Variants in GSK3B observed in about 807,000 individuals in gnomAD.
GSK3B encodes the protein glycogen synthase kinase 3 beta.
A neutral mutation model predicts 56.4 loss-of-function variants in GSK3B; 15 were observed. The ratio of observed to expected loss-of-function variants is 0.27; its 90% CI spans 0.18 to 0.41. The LOEUF (loss-of-function observed/expected upper bound fraction) is 0.41. Ranked by LOEUF, GSK3B falls within the 10% of genes least tolerant of loss-of-function variation. GSK3B has a pLI of 1.00. For missense variants in GSK3B, 300 were observed against 513.4 expected (o/e 0.58, Z 4.02); for synonymous variants, 181 against 188.9 (o/e 0.96, Z 0.34).
chr3:120,053,876 C>A (rs892769306), intron 1 of GSK3B, among the ~76,000 whole-genome samples: 1 of 152,172 alleles, frequency 6.6e-6, no homozygotes, highest in East Asian at 1.9e-4. Flanking sequence ...ACCATGATTG[C>A]GAGGCCTTCC....
At chr3:119,866,578 T>A in intron 8 of GSK3B, 1 of 1,582,944 alleles carries the variant, frequency 6.3e-7, no homozygotes, top group Non-Finnish European at 8.7e-7. Context: ...GAAAAAAAAA[T>A]TAAGTACATA....
intron 1 of GSK3B, among the ~76,000 whole-genome samples, chr3:120,068,211 T>C (rs1475464246): frequency 1.3e-5 from 2 of 150,592 alleles, no homozygotes; most frequent in African/African-American, 4.9e-5. Context: ...ATCAACATGG[T>C]GAAACTTCAT....
In GSK3B at chr3:120,093,968, C is replaced by A. The variant is rs199796429; in HGVS notation, c.-534G>T. On this transcript the variant is annotated 5_prime_UTR_variant, in exon 1 of 11. Coordinates refer to ENST00000264235, the MANE Select transcript of GSK3B (RefSeq NM_001146156.2). Reference sequence around the variant, plus strand: ...GAAACGCTGCAGCTCCGGCAAGCCGCGGGATCCGGCGGGCTGACGGCAGGG... The same window carrying A: ...GAAACGCTGCAGCTCCGGCAAGCCGAGGGATCCGGCGGGCTGACGGCAGGG... 1 of 210,216 alleles carries A rather than the reference C, an allele frequency of 4.8e-6. No individual in the cohort carries two copies. Among genetic ancestry groups the A allele is most frequent in the East Asian group, 7.1e-5 (1 of 14,164 alleles). The allele number at this position is 210,216 out of a possible 1,614,324, so 13.0% of individuals were successfully genotyped here.
At chr3:119,853,724 T>C (rs1187996642) in intron 9 of GSK3B, among the ~76,000 whole-genome samples, 3 of 152,218 alleles carry the variant, frequency 2.0e-5, no homozygotes, top group African/African-American at 7.2e-5. Flanking sequence ...TCTCTGTTTG[T>C]CTGTTATTGG....
At chr3:119,968,291 C>G (rs1257994932) in intron 2 of GSK3B, among the ~76,000 whole-genome samples, 1 of 152,180 alleles carries the variant, frequency 6.6e-6, no homozygotes, top group African/African-American at 2.4e-5. Context: ...CACACCCAGC[C>G]TGGACCACTT....
chr3:120,071,994 G>T (rs1035904872), intron 1 of GSK3B, among the ~76,000 whole-genome samples: 1 of 152,160 alleles, frequency 6.6e-6, no homozygotes, highest in African/African-American at 2.4e-5. Context: ...GAATAGAAAG[G>T]AAAGGGAGAG....
intron 1 of GSK3B, among the ~76,000 whole-genome samples, chr3:120,079,305 TACACACACACACAC>T (rs61338597): frequency 0.064 from 8,246 of 128,440 alleles, 289 homozygotes; most frequent in Non-Finnish European, 0.078. Context: ...GACAGGAAAT[TACACACACACACAC>T]ACACACACAC....
chr3:120,087,287 C>G (rs1446171999), intron 1 of GSK3B, among the ~76,000 whole-genome samples: 1 of 152,172 alleles, frequency 6.6e-6, no homozygotes, highest in Non-Finnish European at 1.5e-5. Flanking sequence ...AATCCCAGCA[C>G]TTTGGGAGGC....
intron 1 of GSK3B, among the ~76,000 whole-genome samples, chr3:120,078,593 C>T (rs1346114264): frequency 2.0e-5 from 3 of 150,682 alleles, no homozygotes; most frequent in African/African-American, 7.3e-5. Context: ...TTGCTGTTTC[C>T]CAGGCTGGAG....
chr3:120,021,914 A>G (rs1418250822), intron 1 of GSK3B, among the ~76,000 whole-genome samples: 1 of 152,212 alleles, frequency 6.6e-6, no homozygotes, highest in Non-Finnish European at 1.5e-5. Context: ...GTAAAATGCT[A>G]TAATGCCTGG....
chr3:119,857,128 G>A (rs886749952), intron 9 of GSK3B, among the ~76,000 whole-genome samples: 1 of 152,188 alleles, frequency 6.6e-6, no homozygotes, highest in African/African-American at 2.4e-5. Flanking sequence ...GTCATCTTTT[G>A]TGGGTGGAGG....
At chr3:120,087,143 T>C (rs1036906897) in intron 1 of GSK3B, among the ~76,000 whole-genome samples, 1 of 152,212 alleles carries the variant, frequency 6.6e-6, no homozygotes, top group Admixed American at 6.6e-5. Context: ...TGGTTTACTG[T>C]CAATTACCAG....
chr3:120,092,843 A>G (rs1051241341), intron 1 of GSK3B, among the ~76,000 whole-genome samples: 1 of 152,242 alleles, frequency 6.6e-6, no homozygotes, highest in Admixed American at 6.5e-5. Context: ...TAGTCATACA[A>G]ACAAGAAAAA....
intron 1 of GSK3B, among the ~76,000 whole-genome samples, chr3:120,054,670 G>T (rs187660722): frequency 6.6e-6 from 1 of 152,014 alleles, no homozygotes; most frequent in Non-Finnish European, 1.5e-5. Flanking sequence ...AATTCTCAAA[G>T]GATGATCTTA....
intron 4 of GSK3B, among the ~76,000 whole-genome samples, chr3:119,917,480 C>G (rs1410245546): frequency 6.6e-6 from 1 of 152,056 alleles, no homozygotes; most frequent in Non-Finnish European, 1.5e-5. Flanking sequence ...ATTGTACCAT[C>G]ATTCACAGAA....
chr3:120,093,226 G>C, intron 1 of GSK3B, 121 bp downstream of exon 1: 1 of 670,464 alleles, frequency 1.5e-6, no homozygotes, highest in South Asian at 1.7e-5. Flanking sequence ...CTGAAGATAG[G>C]TTTTGCCCTT....
chr3:119,990,386 C>G (rs2057553647), intron 2 of GSK3B, among the ~76,000 whole-genome samples: 1 of 152,218 alleles, frequency 6.6e-6, no homozygotes, highest in Admixed American at 6.5e-5. Flanking sequence ...TGATCAAAAT[C>G]AGCCAGGAGC....
chr3:119,974,112 A>T (rs561586545), intron 2 of GSK3B, among the ~76,000 whole-genome samples: 1 of 152,356 alleles, frequency 6.6e-6, no homozygotes, highest in African/African-American at 2.4e-5. Context: ...TGGTAAGTTG[A>T]ACTTCGTTAA....
At chr3:119,945,306 A>T (rs542035664) in intron 3 of GSK3B, among the ~76,000 whole-genome samples, 2 of 152,182 alleles carry the variant, frequency 1.3e-5, no homozygotes, top group Admixed American at 1.3e-4. Context: ...CTTTTTTTAA[A>T]AAAATTTTTG....
Sources: allele counts gnomAD v4.1 joint callset (sites outside exome capture counted in the v4.1 genomes callset), GRCh38; gene constraint gnomAD v4.1.1; transcripts MANE v1.5; gene names NCBI Gene and HGNC (gene_info 2026-07-23, HGNC 2026-07-21).